Variants in EFTUD2 observed in about 807,000 individuals in gnomAD.
The protein encoded by EFTUD2 is 116 kDa U5 small nuclear ribonucleoprotein component.
In EFTUD2, 9 loss-of-function variants were observed where a neutral mutation model predicts 114.3. That is an observed-to-expected ratio of 0.08 (90% confidence interval 0.05 to 0.14). The LOEUF (loss-of-function observed/expected upper bound fraction) is 0.14, where lower values mean the gene tolerates loss of function less well. Ranked by LOEUF, EFTUD2 falls within the 10% of genes least tolerant of loss-of-function variation. EFTUD2 has a pLI of 1.00. For missense variants in EFTUD2, 765 were observed against 1,241.2 expected (o/e 0.62, Z 5.76); for synonymous variants, 449 against 462.3 (o/e 0.97, Z 0.37).
At chr17:44,867,519 C>T (rs1268598503) in intron 13 of EFTUD2, among the ~76,000 whole-genome samples, 1 of 151,976 alleles carries the variant, frequency 6.6e-6, no homozygotes, top group Non-Finnish European at 1.5e-5. Context: ...AGGCTGGTCT[C>T]AAGCTCCTGA....
At chr17:44,851,481 G>A in intron 27 of EFTUD2, 112 bp from the exon 28 acceptor site, 1 of 981,986 alleles carries the variant, frequency 1.0e-6, no homozygotes, top group Non-Finnish European at 1.6e-6. Context: ...GAATGTAGGT[G>A]GTGGTGTTTC....
intron 7 of EFTUD2, among the ~76,000 whole-genome samples, chr17:44,881,180 A>C (rs758559049): frequency 3.1e-4 from 47 of 152,202 alleles, no homozygotes; most frequent in Non-Finnish European, 5.9e-4. Flanking sequence ...CCATTAGGAA[A>C]AAGAGACAGA....
In EFTUD2 at chr17:44,850,871, G is replaced by A. The variant is rs779700836; in HGVS notation, c.*403C>T. 7 of 235,406 alleles carry A rather than the reference G, an allele frequency of 3.0e-5. No homozygotes were observed. Among genetic ancestry groups the A allele is most frequent in the East Asian group, 1.8e-4 (2 of 10,994 alleles). The allele number at this position is 235,406 out of a possible 1,614,324, so 14.6% of individuals were successfully genotyped here. ...TATATTCAGAATGTAAGCACCAGACGGGGCAGGGGAGACGAGGATGAAAGG... is the reference window on the plus strand; with the variant it reads ...TATATTCAGAATGTAAGCACCAGACAGGGCAGGGGAGACGAGGATGAAAGG... On this transcript the variant is annotated 3_prime_UTR_variant, in exon 28 of 28. Coordinates refer to ENST00000426333, the MANE Select transcript of EFTUD2 (RefSeq NM_004247.4).
chr17:44,850,660 CCAA>C lies in EFTUD2; in HGVS notation c.*611_*613del. 1 of 368,238 alleles carries C rather than the reference CCAA, an allele frequency of 2.7e-6. No individual in the cohort carries two copies. Among genetic ancestry groups the C allele is most frequent in the Non-Finnish European group, 5.1e-6 (1 of 196,220 alleles). 22.8% of individuals were successfully genotyped at this position (368,238 alleles called of 1,614,324 possible). On this transcript the variant is annotated 3_prime_UTR_variant, in exon 28 of 28. Coordinates refer to ENST00000426333, the MANE Select transcript of EFTUD2 (RefSeq NM_004247.4). ...GGGGTAGACTTCTGATCGCAGGAAC[CCAA>C]CAACTCCCAAGCCATCTTAGGTTCC...
At chr17:44,874,035 C>CTTTTTT (rs35563732) in intron 10 of EFTUD2, among the ~76,000 whole-genome samples, 1 of 115,486 alleles carries the variant, frequency 8.7e-6, no homozygotes, top group African/African-American at 3.3e-5. Context: ...TGCCCGGCCT[C>CTTTTTT]TTTTTTTTTT....
chr17:44,861,159 G>A (rs1308653991), intron 16 of EFTUD2, among the ~76,000 whole-genome samples: 1 of 152,190 alleles, frequency 6.6e-6, no homozygotes, highest in Non-Finnish European at 1.5e-5. Context: ...CATCAAAGAA[G>A]GCCGGGTGTG....
At chr17:44,875,391 G>T (rs946973170) in intron 10 of EFTUD2, among the ~76,000 whole-genome samples, 2 of 152,004 alleles carry the variant, frequency 1.3e-5, no homozygotes, top group East Asian at 3.9e-4. Flanking sequence ...TTAGCCGGGC[G>T]TGGTGACGGG....
In EFTUD2 at chr17:44,854,601, A is replaced by C. The variant is rs749635729; in HGVS notation, c.2214T>G (p.Asp738Glu). ...CCACCAGAATGTTGGGGCCAGTCGC[A>C]TCAGGGCCAAAAGCCCAGATGGAAC... ...AARSIWAFGP[D>E]ATGPNILVDD... The change falls in exon 22 of 28, where the codon GAT (aspartate) becomes GAG (glutamate). Residue 738 changes from aspartate (D) to glutamate (E), a missense_variant. By Grantham distance (45) the Asp-to-Glu change is conservative. Transcript: ENST00000426333. This position sits in a 1 kb window ranked among gnomAD's most constrained non-coding sequence, Gnocchi z 4.3. 1.2e-6 allele frequency: 2 copies of C among 1,614,224 alleles called. No individual in the cohort carries two copies. The highest frequency in any genetic ancestry group is 2.7e-5 in the African/African-American group (2 of 75,068).
intron 13 of EFTUD2, among the ~76,000 whole-genome samples, chr17:44,866,754 C>T (rs566710699): frequency 2.0e-5 from 3 of 152,284 alleles, no homozygotes; most frequent in African/African-American, 7.2e-5. Context: ...GATTAATGAG[C>T]ATAACTGACA....
chr17:44,852,320 A>G, intron 26 of EFTUD2, 89 bp downstream of exon 26: 3 of 1,540,714 alleles, frequency 1.9e-6, no homozygotes, highest in Non-Finnish European at 2.7e-6. Flanking sequence ...TGTACACCTC[A>G]CTTAGGGCTT....
chr17:44,886,919 A>T (rs1003390247), intron 2 of EFTUD2, among the ~76,000 whole-genome samples, 169 bp from the exon 3 acceptor site: 1 of 152,224 alleles, frequency 6.6e-6, no homozygotes, highest in Non-Finnish European at 1.5e-5. Flanking sequence ...CACAAAGAGA[A>T]GACTCTAAGC....
At position 44,857,155 on chromosome 17, in the gene EFTUD2, C is replaced by T. The variant is rs772825325; in HGVS notation, c.1965G>A (p.Val655=). The T allele has an allele frequency of 3.7e-6, 6 of 1,613,596 alleles. No homozygotes were observed. Among genetic ancestry groups the T allele is most frequent in the Non-Finnish European group, 5.1e-6 (6 of 1,179,718 alleles). ...RKMYSEIDIK[V]ADPVVTFCET... Reference sequence around the variant, plus strand: ...CACAAAACGTGACAACTGGGTCAGCCACCTGGGAAACAGAAAATAAATTAC... The same window carrying T: ...CACAAAACGTGACAACTGGGTCAGCTACCTGGGAAACAGAAAATAAATTAC... The change falls in exon 20 of 28, where the codon GTG becomes GTA. Residue 655 remains valine, a splice_region_variant and synonymous_variant. Coordinates refer to ENST00000426333, the MANE Select transcript of EFTUD2 (RefSeq NM_004247.4).
At chr17:44,881,579 T>A (rs183479624) in intron 7 of EFTUD2, 108 bp downstream of exon 7, 9 of 1,140,702 alleles carry the variant, frequency 7.9e-6, no homozygotes, top group Non-Finnish European at 1.1e-5. Context: ...GAGAGAGGAG[T>A]AGGATATGAA....
chr17:44,853,727 G>A (rs1175454688), intron 23 of EFTUD2, 92 bp from the exon 24 acceptor site: 19 of 1,571,134 alleles, frequency 1.2e-5, no homozygotes, highest in Non-Finnish European at 1.4e-5. Flanking sequence ...CACTGCAGCT[G>A]TCTTGCAGTC....
At chr17:44,876,198 G>A in intron 9 of EFTUD2, 98 bp from the exon 10 acceptor site, 1 of 1,409,444 alleles carries the variant, frequency 7.1e-7, no homozygotes, top group Non-Finnish European at 9.4e-7. Flanking sequence ...CATGAAGCCT[G>A]GGGAGAAAAA....
At chr17:44,861,689 C>A (rs2050663595) in intron 16 of EFTUD2, among the ~76,000 whole-genome samples, 1 of 151,952 alleles carries the variant, frequency 6.6e-6, no homozygotes, top group South Asian at 2.1e-4. Context: ...GCCGAGATCA[C>A]AGGCACTGCA....
chr17:44,883,983 G>A, intron 4 of EFTUD2: 3 of 455,612 alleles, frequency 6.6e-6, no homozygotes, highest in Non-Finnish European at 1.2e-5. Flanking sequence ...AAAGGAAGAA[G>A]AGGCTGGGCA....
chr17:44,888,427 G>C (rs1308203629), intron 2 of EFTUD2, among the ~76,000 whole-genome samples: 2 of 152,138 alleles, frequency 1.3e-5, no homozygotes, highest in Non-Finnish European at 2.9e-5. Context: ...TCTGCACCAG[G>C]GGTTTGGAGC....
chr17:44,850,521 G>T lies in EFTUD2; in HGVS notation c.*753C>A. On this transcript the variant is annotated 3_prime_UTR_variant, in exon 28 of 28. Transcript: ENST00000426333. ...TGGGGGAGAACAGAGTAAGGGACTG[G>T]TGGTAGCTGGGGAGAGGACTTGGAG... 1 of 683,220 alleles carries T rather than the reference G, an allele frequency of 1.5e-6. No homozygotes were observed. Among genetic ancestry groups the T allele is most frequent in the South Asian group, 1.9e-5 (1 of 53,972 alleles). The allele number at this position is 683,220 out of a possible 1,614,324, so 42.3% of individuals were successfully genotyped here.
Sources: allele counts gnomAD v4.1 joint callset (sites outside exome capture counted in the v4.1 genomes callset), GRCh38; gene constraint gnomAD v4.1.1; non-coding constraint Gnocchi (gnomAD v3.1); transcripts MANE v1.5; gene names NCBI Gene and HGNC (gene_info 2026-07-23, HGNC 2026-07-21).